The following SOX6 variants were observed in gnomAD, a reference collection of about 807,000 sequenced individuals.
SOX6 encodes transcription factor SOX-6.
Under a neutral mutation model 97.8 loss-of-function variants are expected in SOX6, and 11 were observed. That is an observed-to-expected ratio of 0.11 (90% confidence interval 0.07 to 0.19). SOX6 has a LOEUF of 0.19. Among genes scored for constraint, SOX6 ranks in the 10% least tolerant of loss-of-function variants. The pLI, the probability that SOX6 is intolerant of heterozygous loss-of-function variation, is 1.00. For missense variants in SOX6, 810 were observed against 1,039.5 expected, an observed-to-expected ratio of 0.78 and a Z score of 3.04; for synonymous variants, 360 against 371.4, an observed-to-expected ratio of 0.97 and a Z score of 0.35.
intron 12 of SOX6, among the ~76,000 whole-genome samples, chr11:16,039,329 A>G (rs1590150557): frequency 6.6e-6 from 1 of 152,128 alleles, no homozygotes; most frequent in South Asian, 2.1e-4. Flanking sequence ...CCATTGGTCA[A>G]TTCTAAACTT....
chr11:16,583,614 C>CATACAT (rs1554976094), intron 4 of SOX6, among the ~76,000 whole-genome samples: 15 of 104,720 alleles, frequency 1.4e-4, no homozygotes, highest in African/African-American at 4.9e-4. Flanking sequence ...TATATATATA[C>CATACAT]ATATATATAT....
chr11:16,254,173 TA>T (rs1388641372), intron 3 of SOX6, among the ~76,000 whole-genome samples: 3 of 151,746 alleles, frequency 2.0e-5, no homozygotes, highest in African/African-American at 4.8e-5. Context: ...CTCAGACAAA[TA>T]AAAATTGAGG....
At chr11:16,044,816 A>G (rs1273519893) in intron 12 of SOX6, among the ~76,000 whole-genome samples, 1 of 152,156 alleles carries the variant, frequency 6.6e-6, no homozygotes, top group Non-Finnish European at 1.5e-5. Context: ...AAGGTTGTCT[A>G]CTGAGAAAAC....
intron 4 of SOX6, among the ~76,000 whole-genome samples, chr11:16,488,466 A>C (rs541679254): frequency 1.3e-5 from 2 of 152,188 alleles, no homozygotes; most frequent in Middle Eastern, 3.2e-3. Context: ...TATGCCTTCC[A>C]TAAATGTATT....
At chr11:16,551,583 A>G (rs1847686748) in intron 4 of SOX6, among the ~76,000 whole-genome samples, 1 of 152,058 alleles carries the variant, frequency 6.6e-6, no homozygotes, top group Admixed American at 6.6e-5. Flanking sequence ...GCAGTAAAAC[A>G]AAAGTAATTT....
chr11:16,204,497 A>G (rs1296005769), intron 4 of SOX6, among the ~76,000 whole-genome samples: 1 of 152,062 alleles, frequency 6.6e-6, no homozygotes, highest in African/African-American at 2.4e-5. Context: ...TTGAACTTCA[A>G]CAATTGTTAC....
chr11:16,414,059 T>C (rs1291815929), intron 1 of SOX6, among the ~76,000 whole-genome samples: 2 of 152,222 alleles, frequency 1.3e-5, no homozygotes, highest in African/African-American at 4.8e-5. Context: ...ATTCATTTTA[T>C]GCATACATTT....
intron 6 of SOX6, among the ~76,000 whole-genome samples, chr11:16,155,440 G>A (rs1379729915): frequency 6.6e-6 from 1 of 152,116 alleles, no homozygotes; most frequent in African/African-American, 2.4e-5. Context: ...TTAGAATAGT[G>A]TCTAACATAC....
intron 1 of SOX6, among the ~76,000 whole-genome samples, chr11:16,383,443 C>G (rs1480595499): frequency 1.1e-4 from 16 of 151,996 alleles, no homozygotes; most frequent in Non-Finnish European, 1.5e-5. Context: ...AGGAGCACAC[C>G]TAGGTTCAAA....
chr11:16,302,903 G>T (rs11023907), intron 3 of SOX6, among the ~76,000 whole-genome samples: 25,645 of 151,898 alleles, frequency 0.17, 2,639 homozygotes, highest in Admixed American at 0.29. Context: ...GCATTTTATA[G>T]CTTCTTCTAC....
At chr11:16,444,036 C>T (rs1254171386) in intron 1 of SOX6, among the ~76,000 whole-genome samples, 1 of 150,610 alleles carries the variant, frequency 6.6e-6, no homozygotes, top group Non-Finnish European at 1.5e-5. Context: ...AAAAAATTGC[C>T]CCGACCTTTT....
chr11:16,081,356 G>T (rs898214825), intron 9 of SOX6, among the ~76,000 whole-genome samples: 2 of 151,964 alleles, frequency 1.3e-5, no homozygotes, highest in African/African-American at 4.8e-5. Flanking sequence ...TCTTCATGTA[G>T]GGAACAAGAA....
At chr11:16,597,116 G>GT (rs1848220555) in intron 4 of SOX6, among the ~76,000 whole-genome samples, 1 of 152,026 alleles carries the variant, frequency 6.6e-6, no homozygotes, top group Admixed American at 6.6e-5. Flanking sequence ...TGGCTGGTAA[G>GT]TTTATCTACT....
At chr11:16,464,369 T>A (rs1196311404) in intron 1 of SOX6, among the ~76,000 whole-genome samples, 2 of 151,332 alleles carry the variant, frequency 1.3e-5, no homozygotes, top group African/African-American at 4.9e-5. Context: ...TGACCCTGCA[T>A]ACAATTTAAG....
chr11:16,289,662 C>T (rs916956136), intron 3 of SOX6, among the ~76,000 whole-genome samples: 1 of 151,994 alleles, frequency 6.6e-6, no homozygotes, highest in Non-Finnish European at 1.5e-5. Context: ...AAATGACAAA[C>T]TCCTAGAAAA....
upstream of SOX6, among the ~76,000 whole-genome samples, chr11:16,478,197 T>C (rs1288400235): frequency 1.3e-5 from 2 of 152,178 alleles, no homozygotes; most frequent in African/African-American, 4.8e-5. Context: ...CCGAAAGAGT[T>C]TTTAGTACTT....
chr11:16,332,803 T>C (rs1856346503), intron 2 of SOX6, among the ~76,000 whole-genome samples: 1 of 152,122 alleles, frequency 6.6e-6, no homozygotes, highest in Admixed American at 6.6e-5. Context: ...AATAAATATG[T>C]CATCACATTG....
At chr11:16,482,925 G>A (rs1716526365) in intron 4 of SOX6, among the ~76,000 whole-genome samples, 1 of 152,130 alleles carries the variant, frequency 6.6e-6, no homozygotes, top group Admixed American at 6.5e-5. Context: ...AGAATTCAAT[G>A]ACTACTAATA....
At chr11:16,194,237 G>A (rs545754508) in intron 4 of SOX6, among the ~76,000 whole-genome samples, 8 of 152,252 alleles carry the variant, frequency 5.3e-5, no homozygotes, top group Admixed American at 6.5e-5. Context: ...AAAGATAAAG[G>A]ATTTCAGTAC....
Sources: gnomAD v4.1 joint callset for allele counts (sites outside exome capture counted in the v4.1 genomes callset) on GRCh38, gnomAD v4.1.1 for gene constraint, MANE v1.5 for transcripts, NCBI Gene and HGNC (gene_info 2026-07-23, HGNC 2026-07-21) for gene names.